C5orf34: variants seen among roughly 807,000 people sequenced by gnomAD.
C5orf34 encodes uncharacterized protein C5orf34.
Under a neutral mutation model 78.4 loss-of-function variants are expected in C5orf34, and 73 were observed. The observed-to-expected ratio is 0.93, with a 90% confidence interval of 0.77 to 1.13. The LOEUF (loss-of-function observed/expected upper bound fraction) is 1.13, where lower values mean the gene tolerates loss of function less well. Ranked by LOEUF, C5orf34 falls within the 50% of genes most tolerant of loss-of-function variation. The probability of loss-of-function intolerance (pLI) is 0.00; values close to 1 mark genes in which losing one functional copy is unlikely to be tolerated. For synonymous variants in C5orf34, 251 were observed against 246.6 expected, an observed-to-expected ratio of 1.02 and a Z score of -0.17; for missense variants, 730 against 732.7, an observed-to-expected ratio of 1.00 and a Z score of 0.04.
intron 6 of C5orf34, among the ~76,000 whole-genome samples, chr5:43,501,770 T>C (rs1452093659): frequency 6.6e-6 from 1 of 152,218 alleles, no homozygotes; most frequent in Non-Finnish European, 1.5e-5. Flanking sequence ...CATACTTATT[T>C]TGTTCTAGCA....
Position 43,494,615 on chromosome 5 carries a change from A to T in C5orf34, c.1153-14T>A. 1.3e-6 allele frequency: 2 copies of T among 1,516,410 alleles called. No individual in the cohort carries two copies. The highest frequency in any genetic ancestry group is 1.8e-6 in the Non-Finnish European group (2 of 1,103,970). 93.9% of individuals were successfully genotyped at this position (1,516,410 alleles called of 1,614,324 possible). A position where few individuals can be genotyped will look rare whatever the true frequency, so the allele number is the denominator to read the frequency against. On this transcript the variant is annotated splice_polypyrimidine_tract_variant and intron_variant, in intron 6 of 12. Coordinates refer to ENST00000306862, the MANE Select transcript of C5orf34 (RefSeq NM_198566.4). The stretch of plus-strand genomic sequence containing the variant: ...TTTCTCTTCTCTCTGAAAATTAGTT[A>T]AAATGAAAAATTTCATTAATAATAA...
At chr5:43,492,082 G>T (rs1028333877) in intron 10 of C5orf34, 133 bp downstream of exon 10, 4 of 491,672 alleles carry the variant, frequency 8.1e-6, no homozygotes, top group East Asian at 4.2e-5. Flanking sequence ...ACTCTGAAAC[G>T]ACTGAAATGC....
At chr5:43,496,546 A>T in intron 6 of C5orf34, 1 of 984,156 alleles carries the variant, frequency 1.0e-6, no homozygotes, top group Non-Finnish European at 1.4e-6. Context: ...TTTTAAAAAT[A>T]TAGAATTACT....
chr5:43,506,039 C>A lies in C5orf34; in HGVS notation c.641G>T (p.Cys214Phe). The A allele has an allele frequency of 6.2e-7, 1 of 1,614,198 alleles. No individual in the cohort carries two copies. The highest frequency in any genetic ancestry group is 8.5e-7 in the Non-Finnish European group (1 of 1,180,048). ...KSKETLKKMS[C>F]VNGTEGREEL... Reference sequence around the variant, plus strand: ...TTCCCTCCCTTCAGTTCCATTTACACAACTCATCTTCTTTAAAGTTTCTTT... The same window carrying A: ...TTCCCTCCCTTCAGTTCCATTTACAAAACTCATCTTCTTTAAAGTTTCTTT... Residue 214 changes from cysteine (C) to phenylalanine (F), a missense_variant, in exon 4 of 13, where the codon TGT becomes TTT. Cys to Phe is a radical substitution (Grantham distance 205, BLOSUM62 -2). Transcript: ENST00000306862.
At chr5:43,492,144 A>T in intron 10 of C5orf34, 71 bp downstream of exon 10, 1 of 1,007,122 alleles carries the variant, frequency 9.9e-7, no homozygotes, top group East Asian at 2.5e-5. Flanking sequence ...CACTTAAATA[A>T]TGCTTATTGC....
chr5:43,507,879 C>A (rs1300419596), intron 3 of C5orf34, among the ~76,000 whole-genome samples: 1 of 151,890 alleles, frequency 6.6e-6, no homozygotes, highest in Non-Finnish European at 1.5e-5. Flanking sequence ...GAGATCGAGA[C>A]CATGCTGGCT....
intron 3 of C5orf34, among the ~76,000 whole-genome samples, chr5:43,507,376 T>C (rs998113981): frequency 1.3e-5 from 2 of 152,226 alleles, no homozygotes; most frequent in Admixed American, 1.3e-4. Context: ...ATATGTACGA[T>C]GTTAGGACAC....
intron 6 of C5orf34, among the ~76,000 whole-genome samples, chr5:43,499,587 T>C (rs1010689150): frequency 2.6e-5 from 4 of 152,206 alleles, no homozygotes; most frequent in African/African-American, 7.2e-5. Context: ...CCACACTCTT[T>C]CCCAAACATA....
At chr5:43,513,090 C>CT (rs545466937) in intron 1 of C5orf34, among the ~76,000 whole-genome samples, 2 of 152,052 alleles carry the variant, frequency 1.3e-5, no homozygotes, top group Non-Finnish European at 2.9e-5. Context: ...CCCACCTTGT[C>CT]TTTTTTTAAC....
intron 5 of C5orf34, 24 bp downstream of exon 5, chr5:43,503,641 T>C (rs368725519): frequency 3.3e-5 from 48 of 1,474,922 alleles, no homozygotes; most frequent in Middle Eastern, 1.7e-4. Context: ...AACTCCAACA[T>C]AGAAGCCAAC....
At chr5:43,493,202 C>G (rs1248583362) in intron 8 of C5orf34, among the ~76,000 whole-genome samples, 1 of 150,468 alleles carries the variant, frequency 6.6e-6, no homozygotes, top group Admixed American at 6.6e-5. Context: ...ATCACTTCCT[C>G]CAAATCAGCA....
intron 11 of C5orf34, 89 bp from the exon 12 acceptor site, chr5:43,488,038 C>G: frequency 1.0e-6 from 1 of 954,366 alleles, no homozygotes; most frequent in Non-Finnish European, 1.6e-6. Flanking sequence ...CTTTTTTTTT[C>G]ATTAGAATTT....
intron 11 of C5orf34, 67 bp downstream of exon 11, chr5:43,490,564 T>C (rs1745239193): frequency 9.7e-7 from 1 of 1,033,734 alleles, no homozygotes; most frequent in Admixed American, 2.0e-5. Context: ...CAGTTTACCA[T>C]TTGACATTTT....
chr5:43,496,249 C>T (rs1449682032), intron 6 of C5orf34: 159 of 1,580,720 alleles, frequency 1.0e-4, no homozygotes, highest in Non-Finnish European at 1.3e-4. Context: ...GGTGATACCA[C>T]GTTCACGCTC....
rs1472680633 is a variant in C5orf34 at position 43,492,767 on chromosome 5, T to A, written c.1438A>T (p.Thr480Ser). 6.2e-7 allele frequency: 1 copy of A among 1,613,152 alleles called. No homozygotes were observed. Residue 480 changes from threonine to serine, a missense_variant, in exon 9 of 13, where the codon ACT becomes TCT. By Grantham distance (58) the Thr-to-Ser change is moderately conservative (BLOSUM62 1). Coordinates refer to ENST00000306862, the MANE Select transcript of C5orf34 (RefSeq NM_198566.4). The stretch of plus-strand genomic sequence containing the variant: ...CTGAAATTCCAATTTAGGGTTAGAG[T>A]AATGCCATCTAAAAAGATAGCATGT... Reference protein sequence around the residue: ...KVHAIFLDGITLTLNWNFSSP... With the variant: ...KVHAIFLDGISLTLNWNFSSP...
chr5:43,510,500 G>A (rs865904253), intron 1 of C5orf34, among the ~76,000 whole-genome samples: 14 of 152,282 alleles, frequency 9.2e-5, no homozygotes, highest in African/African-American at 3.4e-4. Context: ...AGCGGAAGCT[G>A]GACTGTACTG....
At chr5:43,502,230 G>T in intron 6 of C5orf34, 142 bp downstream of exon 6, 3 of 779,132 alleles carry the variant, frequency 3.9e-6, no homozygotes, top group Non-Finnish European at 4.2e-6. Flanking sequence ...ACCAATGCTG[G>T]CAGTAAGATT....
In C5orf34 at chr5:43,502,472, G is replaced by C. The variant is rs745831575; in HGVS notation, c.1052C>G (p.Ser351Ter). ...TCCATCCCCAGAATAAATCTCTATT[G>C]AGTTCATATTTTGATGGGTAAGTCT... ...TYRLTHQNMN[S>*]IEIYSGDGSV... Residue 351 changes from serine (S) to a stop codon, truncating the protein, a stop_gained, in exon 6 of 13, where the codon TCA becomes TGA. Transcript: ENST00000306862. LOFTEE classifies it high-confidence loss of function. The C allele has an allele frequency of 3.6e-5, 57 of 1,575,086 alleles. No individual in the cohort carries two copies. Among genetic ancestry groups the C allele is most frequent in the Non-Finnish European group, 4.9e-5 (57 of 1,152,566 alleles).
At chr5:43,496,547 T>C (rs1177144413) in intron 6 of C5orf34, 8 of 989,100 alleles carry the variant, frequency 8.1e-6, no homozygotes, top group Non-Finnish European at 1.0e-5. Context: ...TTTAAAAATA[T>C]AGAATTACTC....
Sources: allele counts gnomAD v4.1 joint callset (sites outside exome capture counted in the v4.1 genomes callset), GRCh38; gene constraint gnomAD v4.1.1; transcripts MANE v1.5; gene names NCBI Gene and HGNC (gene_info 2026-07-23, HGNC 2026-07-21).